Variants in SRRM4 observed in about 807,000 individuals in gnomAD.
SRRM4 encodes the protein serine/arginine repetitive matrix protein 4.
In SRRM4, 33 loss-of-function variants were observed where a neutral mutation model predicts 68.9. The observed-to-expected ratio is 0.48, with a 90% confidence interval of 0.36 to 0.64. The LOEUF is 0.64. Among genes scored for constraint, SRRM4 ranks in the 30% least tolerant of loss-of-function variants. SRRM4 has a pLI of 0.00. For synonymous variants in SRRM4, 318 were observed against 318.8 expected (o/e 1.00, Z 0.03); for missense variants, 817 against 827.1 (o/e 0.99, Z 0.15).
At chr12:119,096,632 G>A (rs4767776) in intron 1 of SRRM4, among the ~76,000 whole-genome samples, 12,022 of 152,278 alleles carry the variant, frequency 0.079, 529 homozygotes, top group African/African-American at 0.1. Flanking sequence ...TATTTGCCTT[G>A]GGCAAGTCCC....
chr12:119,059,881 C>G (rs1953800010), intron 1 of SRRM4, among the ~76,000 whole-genome samples: 1 of 152,188 alleles, frequency 6.6e-6, no homozygotes, highest in Non-Finnish European at 1.5e-5. Flanking sequence ...TCCAGAATCT[C>G]TGGGGAAAGG....
intron 2 of SRRM4, among the ~76,000 whole-genome samples, chr12:119,113,275 A>G (rs903562275): frequency 3.3e-5 from 5 of 152,322 alleles, no homozygotes; most frequent in African/African-American, 9.6e-5. Flanking sequence ...AAAGTTGGGT[A>G]ATTTCCAGAT....
chr12:119,061,001 G>T (rs1673788190), intron 1 of SRRM4, among the ~76,000 whole-genome samples: 1 of 152,044 alleles, frequency 6.6e-6, no homozygotes, highest in African/African-American at 2.4e-5. Flanking sequence ...GTTACTTTCT[G>T]TTCTCATCTG....
At chr12:119,156,405 A>AAAGGAAAG in intron 12 of SRRM4, 90 bp from the exon 13 acceptor site, 1 of 1,464,514 alleles carries the variant, frequency 6.8e-7, no homozygotes, top group Non-Finnish European at 9.0e-7. Flanking sequence ...GAAAGGGAGG[A>AAAGGAAAG]TATTGGTTTC....
At chr12:119,017,055 A>G (rs1452904474) in intron 1 of SRRM4, among the ~76,000 whole-genome samples, 3 of 152,270 alleles carry the variant, frequency 2.0e-5, no homozygotes, top group Admixed American at 6.5e-5. Context: ...AATAAACAGC[A>G]AACTTTAATA....
chr12:119,066,988 C>A (rs1953849962), intron 1 of SRRM4, among the ~76,000 whole-genome samples: 1 of 152,186 alleles, frequency 6.6e-6, no homozygotes, highest in Non-Finnish European at 1.5e-5. Flanking sequence ...TGCCTAATAA[C>A]CATCAAAGGC....
At chr12:119,085,933 G>C (rs1953977315) in intron 1 of SRRM4, among the ~76,000 whole-genome samples, 1 of 152,158 alleles carries the variant, frequency 6.6e-6, no homozygotes, top group Admixed American at 6.5e-5. Flanking sequence ...CACTTTGTAA[G>C]GCAGGTAACA....
intron 1 of SRRM4, among the ~76,000 whole-genome samples, chr12:119,078,557 T>C (rs1210347105): frequency 6.6e-6 from 1 of 152,224 alleles, no homozygotes; most frequent in Non-Finnish European, 1.5e-5. Flanking sequence ...GTGTTGCTGA[T>C]GCCTCATCTT....
At chr12:119,099,143 A>G (rs776153440) in intron 1 of SRRM4, among the ~76,000 whole-genome samples, 3 of 151,816 alleles carry the variant, frequency 2.0e-5, no homozygotes, top group Non-Finnish European at 4.4e-5. Context: ...TATTATTATT[A>G]CTATTGTTAT....
At chr12:119,092,558 A>G (rs1954020092) in intron 1 of SRRM4, among the ~76,000 whole-genome samples, 1 of 152,148 alleles carries the variant, frequency 6.6e-6, no homozygotes, top group Non-Finnish European at 1.5e-5. Context: ...TTCACACTCC[A>G]TAGCCAATCC....
intron 1 of SRRM4, among the ~76,000 whole-genome samples, chr12:118,989,022 G>A (rs1441124749): frequency 6.6e-6 from 1 of 152,158 alleles, no homozygotes; most frequent in Non-Finnish European, 1.5e-5. Flanking sequence ...GGCTAGAGCA[G>A]AGTGAGTGAA....
chr12:119,013,267 GA>G (rs11357961), intron 1 of SRRM4, among the ~76,000 whole-genome samples: 121,420 of 152,052 alleles, frequency 0.8, 48,857 homozygotes, highest in Middle Eastern at 0.91. Flanking sequence ...TCAGAGATGA[GA>G]AAAATCAGGC....
intron 1 of SRRM4, among the ~76,000 whole-genome samples, chr12:119,017,773 C>G (rs1192478979): frequency 6.6e-6 from 1 of 152,174 alleles, no homozygotes. Flanking sequence ...TTTGAACCTT[C>G]TTTAGGCTCA....
chr12:119,065,538 C>A (rs1953840382), intron 1 of SRRM4, among the ~76,000 whole-genome samples: 1 of 152,104 alleles, frequency 6.6e-6, no homozygotes, highest in Non-Finnish European at 1.5e-5. Flanking sequence ...CATTTGAGAC[C>A]AGCCTGGCCA....
intron 2 of SRRM4, among the ~76,000 whole-genome samples, chr12:119,112,656 C>T (rs1455730376): frequency 6.6e-6 from 1 of 152,162 alleles, no homozygotes; most frequent in South Asian, 2.1e-4. Flanking sequence ...TTTGCAGGCA[C>T]AAGGATGAAG....
chr12:119,038,076 C>T (rs1227149201), intron 1 of SRRM4, among the ~76,000 whole-genome samples: 1 of 152,174 alleles, frequency 6.6e-6, no homozygotes, highest in Non-Finnish European at 1.5e-5. Context: ...TTGCTGGGTG[C>T]TGGGGACACA....
At chr12:119,096,021 T>C (rs918565741) in intron 1 of SRRM4, among the ~76,000 whole-genome samples, 1 of 150,886 alleles carries the variant, frequency 6.6e-6, no homozygotes, top group African/African-American at 2.4e-5. Context: ...TCTCAGTTGA[T>C]TTTTATTTAT....
intron 1 of SRRM4, among the ~76,000 whole-genome samples, chr12:119,033,259 A>T (rs897310121): frequency 6.6e-6 from 1 of 152,224 alleles, no homozygotes; most frequent in African/African-American, 2.4e-5. Context: ...AAATTTTGCC[A>T]CATTTGCTTC....
chr12:119,009,974 A>G (rs73405980), intron 1 of SRRM4, among the ~76,000 whole-genome samples: 1,529 of 152,276 alleles, frequency 0.01, 26 homozygotes, highest in African/African-American at 0.034. Flanking sequence ...GGATCCCATA[A>G]TATTCCATAA....
Sources: allele counts gnomAD v4.1 joint callset (sites outside exome capture counted in the v4.1 genomes callset), GRCh38; gene constraint gnomAD v4.1.1; transcripts MANE v1.5; gene names NCBI Gene and HGNC (gene_info 2026-07-23, HGNC 2026-07-21).